PPARD: variants seen among roughly 807,000 people sequenced by gnomAD.
The protein encoded by PPARD is peroxisome proliferator-activated receptor delta.
Under a neutral mutation model 39.5 loss-of-function variants are expected in PPARD, and 6 were observed. The observed-to-expected ratio is 0.15, with a 90% CI of 0.08 to 0.30. The LOEUF is 0.30. Ranked by LOEUF, PPARD falls within the 10% of genes least tolerant of loss-of-function variation. PPARD has a pLI of 1.00. For missense variants in PPARD, 397 were observed against 596.8 expected (o/e 0.67, Z 3.49); for synonymous variants, 210 against 231.3 (o/e 0.91, Z 0.83).
At chr6:35,399,472 A>G (rs1236607788) in intron 2 of PPARD, among the ~76,000 whole-genome samples, 1 of 150,764 alleles carries the variant, frequency 6.6e-6, no homozygotes, top group Non-Finnish European at 1.5e-5. Flanking sequence ...TTGAGATGCC[A>G]AGGCGGGAGG....
chr6:35,357,022 T>C (rs181071271), intron 2 of PPARD, among the ~76,000 whole-genome samples: 1 of 150,974 alleles, frequency 6.6e-6, no homozygotes, highest in East Asian at 1.9e-4. Context: ...AATGTACAGC[T>C]CTTCCCTGGA....
chr6:35,363,197 C>T lies in PPARD; in HGVS notation c.-102+16047C>T, dbSNP rs577109685. Among the ~76,000 whole-genome samples the T allele has an allele frequency of 5.9e-5, 9 of 152,258 alleles. No homozygotes were observed. Among genetic ancestry groups the T allele is most frequent in the African/African-American group, 2.2e-4 (9 of 41,544 alleles). Reference sequence around the variant, plus strand: ...TCTCTGGCAGTAGGCAAGGAGAAGGCCTTTCTGAGCACTGAGGGTCAGTGG... The same window carrying T: ...TCTCTGGCAGTAGGCAAGGAGAAGGTCTTTCTGAGCACTGAGGGTCAGTGG... On this transcript the variant is annotated intron_variant, in intron 2 of 7. Transcript: ENST00000360694. The surrounding 1 kb of genome is among the most constrained non-coding windows in gnomAD (Gnocchi z 4.5).
intron 2 of PPARD, among the ~76,000 whole-genome samples, chr6:35,353,627 T>C (rs901250897): frequency 6.6e-6 from 1 of 152,178 alleles, no homozygotes. Flanking sequence ...GTTTCAGTAT[T>C]ATAGAAGCAA....
At chr6:35,400,090 T>A (rs552804580) in intron 2 of PPARD, among the ~76,000 whole-genome samples, 2 of 152,290 alleles carry the variant, frequency 1.3e-5, no homozygotes, top group South Asian at 4.1e-4. Context: ...AGCTTAACTG[T>A]GGGATTTTTC....
intron 2 of PPARD, among the ~76,000 whole-genome samples, chr6:35,408,076 C>T (rs772126548): frequency 2.0e-5 from 3 of 152,164 alleles, no homozygotes; most frequent in Admixed American, 6.5e-5. Context: ...CTTTGGGAGG[C>T]CACAGTGGCC....
At chr6:35,346,306 T>G (rs1792181213) in intron 1 of PPARD, among the ~76,000 whole-genome samples, 1 of 152,130 alleles carries the variant, frequency 6.6e-6, no homozygotes, top group Non-Finnish European at 1.5e-5. Flanking sequence ...GCTTGGAAAT[T>G]GCAGGACACA....
At chr6:35,404,950 G>A (rs1764930429) in intron 2 of PPARD, among the ~76,000 whole-genome samples, 1 of 118,698 alleles carries the variant, frequency 8.4e-6, no homozygotes, top group Admixed American at 8.8e-5. Context: ...TGCACTGCAG[G>A]CTTTGTGTGT....
intron 3 of PPARD, among the ~76,000 whole-genome samples, chr6:35,418,777 G>T (rs1299512444): frequency 3.3e-5 from 5 of 152,170 alleles, no homozygotes; most frequent in East Asian, 1.9e-4. Context: ...TTAGGAACCA[G>T]AGACTTGTGT....
intron 2 of PPARD, among the ~76,000 whole-genome samples, chr6:35,385,566 C>T (rs1763582486): frequency 7.0e-6 from 1 of 143,844 alleles, no homozygotes; most frequent in South Asian, 2.3e-4. Context: ...CTGACCTTCC[C>T]TCCACTATTG....
At chr6:35,387,643 C>T (rs535078110) in intron 2 of PPARD, among the ~76,000 whole-genome samples, 6 of 150,524 alleles carry the variant, frequency 4.0e-5, no homozygotes, top group Admixed American at 6.6e-5. Context: ...GCTCTGACAC[C>T]TAGTTGGTTT....
intron 2 of PPARD, chr6:35,348,271 A>T: frequency 1.1e-6 from 1 of 872,264 alleles, no homozygotes. Flanking sequence ...ATAGTAAAAA[A>T]CAGATCCAAT....
intron 2 of PPARD, among the ~76,000 whole-genome samples, chr6:35,399,459 A>G (rs1460051443): frequency 2.7e-5 from 4 of 149,438 alleles, no homozygotes; most frequent in African/African-American, 9.9e-5. Context: ...TAATTCCAAC[A>G]CTTTGAGATG....
intron 2 of PPARD, among the ~76,000 whole-genome samples, chr6:35,368,845 A>T (rs1249979024): frequency 6.6e-6 from 1 of 152,218 alleles, no homozygotes; most frequent in African/African-American, 2.4e-5. Context: ...AAGTGTTTGC[A>T]GAGAGTAGCA....
intron 2 of PPARD, among the ~76,000 whole-genome samples, chr6:35,403,370 C>G (rs1764823335): frequency 6.6e-6 from 1 of 152,194 alleles, no homozygotes; most frequent in African/African-American, 2.4e-5. Flanking sequence ...GTTTTAATGT[C>G]TTCCCCAAGT....
At chr6:35,378,164 G>A (rs1457837551) in intron 2 of PPARD, among the ~76,000 whole-genome samples, 4 of 151,950 alleles carry the variant, frequency 2.6e-5, no homozygotes, top group South Asian at 4.1e-4. Flanking sequence ...GCCTGGCCAC[G>A]TATCTCCTTT....
intron 2 of PPARD, among the ~76,000 whole-genome samples, chr6:35,367,677 G>T (rs1352335922): frequency 6.6e-6 from 1 of 152,226 alleles, no homozygotes; most frequent in Non-Finnish European, 1.5e-5. Flanking sequence ...TGTCGGCCAA[G>T]CTTGCCCATT....
chr6:35,355,627 T>G (rs1405499835), intron 2 of PPARD, among the ~76,000 whole-genome samples: 1 of 128,886 alleles, frequency 7.8e-6, no homozygotes, highest in Non-Finnish European at 1.6e-5. Context: ...TTTTTTTTTT[T>G]TTGAGACGGA....
chr6:35,411,468 T>C (rs1175245805), intron 3 of PPARD, among the ~76,000 whole-genome samples: 1 of 152,218 alleles, frequency 6.6e-6, no homozygotes, highest in African/African-American at 2.4e-5. Context: ...GATGTGGATA[T>C]GGGCTTTCGT....
Position 35,424,075 on chromosome 6 carries a change from C to T in PPARD, c.554C>T (p.Ala185Val). The T allele has an allele frequency of 1.2e-6, 2 of 1,614,136 alleles. No homozygotes were observed. The highest frequency in any genetic ancestry group is 8.5e-7 in the Non-Finnish European group (1 of 1,180,038). Residue 185 changes from alanine to valine, a missense_variant, in exon 6 of 8, where the codon GCC becomes GTC. By Grantham distance (64) the Ala-to-Val change is moderately conservative (BLOSUM62 0). Coordinates refer to ENST00000360694, the MANE Select transcript of PPARD (RefSeq NM_006238.5). The surrounding 1 kb of genome is among the most constrained non-coding windows in gnomAD (Gnocchi z 7.1). ...GCCTTCTCCAAGCACATCTACAATG[C>T]CTACCTGAAAAACTTCAACATGACC... ...LKAFSKHIYN[A>V]YLKNFNMTKK...
Sources: gnomAD v4.1 joint callset for allele counts (sites outside exome capture counted in the v4.1 genomes callset) on GRCh38, gnomAD v4.1.1 for gene constraint, Gnocchi (gnomAD v3.1) non-coding constraint, MANE v1.5 for transcripts, NCBI Gene and HGNC (gene_info 2026-07-23, HGNC 2026-07-21) for gene names.